Variants in CADPS observed in about 807,000 individuals in gnomAD.
CADPS encodes the protein calcium dependent secretion activator.
A neutral mutation model predicts 167.3 loss-of-function variants in CADPS; 57 were observed. The ratio of observed to expected loss-of-function variants is 0.34; its 90% CI spans 0.28 to 0.42. CADPS has a LOEUF of 0.42. Among genes scored for constraint, CADPS ranks in the 20% least tolerant of loss-of-function variants. The pLI is 1.00. For synonymous variants in CADPS, 676 were observed against 635.3 expected (o/e 1.06, Z -0.96); for missense variants, 1,414 against 1,738.1 (o/e 0.81, Z 3.32).
intron 4 of CADPS, among the ~76,000 whole-genome samples, chr3:62,652,557 G>C (rs115631909): frequency 0.016 from 2,375 of 152,166 alleles, 29 homozygotes; most frequent in Middle Eastern, 0.054. Flanking sequence ...TTGGCTGGTA[G>C]AACTGAAACA....
intron 1 of CADPS, among the ~76,000 whole-genome samples, chr3:62,803,393 T>G (rs923285260): frequency 1.3e-5 from 2 of 150,982 alleles, no homozygotes; most frequent in East Asian, 3.9e-4. Context: ...TTTGCTCACC[T>G]CTTCCTCAGG....
At chr3:62,781,692 T>C (rs769950316) in intron 1 of CADPS, among the ~76,000 whole-genome samples, 47 of 152,072 alleles carry the variant, frequency 3.1e-4, no homozygotes, top group Non-Finnish European at 1.5e-4. Flanking sequence ...TGGGGGCACA[T>C]GGCAGCTGAG....
In CADPS at chr3:62,645,241, G is replaced by C. The variant is rs73842979; in HGVS notation, c.1325+481C>G. ...GTAACGGATAACAGACTACAAACTG[G>C]GTTCAGTATATATTGCTCGGGTGAT... On this transcript the variant is annotated intron_variant, in intron 6 of 29. Transcript: ENST00000383710. Among the ~76,000 whole-genome samples, 20 of 152,000 alleles carry C rather than the reference G, an allele frequency of 1.3e-4. 1 individual carries two copies. Among genetic ancestry groups the C allele is most frequent in the African/African-American group, 4.6e-4 (19 of 41,436 alleles).
chr3:62,431,916 T>C (rs916932238), intron 28 of CADPS, among the ~76,000 whole-genome samples: 1 of 151,808 alleles, frequency 6.6e-6, no homozygotes, highest in Non-Finnish European at 1.5e-5. Context: ...CTGATAATGA[T>C]ATGTGGGTGC....
chr3:62,748,022 T>G (rs1370204782), intron 3 of CADPS, among the ~76,000 whole-genome samples: 1 of 151,930 alleles, frequency 6.6e-6, no homozygotes, highest in African/African-American at 2.4e-5. Context: ...TATTTGCCTT[T>G]AAAAATACAT....
Position 62,465,066 on chromosome 3 carries a change from C to T in CADPS, c.3636+301G>A, listed in dbSNP as rs975902394. 6.6e-6 allele frequency among the ~76,000 whole-genome samples: 1 copy of T among 152,108 alleles called. No homozygotes were observed. The highest frequency in any genetic ancestry group is 1.5e-5 in the Non-Finnish European group (1 of 68,014). On this transcript the variant is annotated intron_variant, in intron 26 of 29. Transcript: ENST00000383710. The surrounding 1 kb of genome is among the most constrained non-coding windows in gnomAD (Gnocchi z 4.1). The stretch of plus-strand genomic sequence containing the variant: ...ATGGTGGCCCACATTAAGTCATTTG[C>T]CAGAGCTAGCTAAGGTGGGCTTAGG...
chr3:62,822,736 A>G (rs2073217908), intron 1 of CADPS, among the ~76,000 whole-genome samples: 1 of 152,070 alleles, frequency 6.6e-6, no homozygotes, highest in Non-Finnish European at 1.5e-5. Context: ...CTGCTACTGA[A>G]GAGGCTGAAG....
At chr3:62,765,786 C>T (rs943677164) in intron 2 of CADPS, 85 bp downstream of exon 2, 6 of 767,662 alleles carry the variant, frequency 7.8e-6, no homozygotes, top group Middle Eastern at 2.6e-4. Flanking sequence ...TAAACCAAAA[C>T]GACTGTCCCC....
At chr3:62,417,616 C>T (rs930559543) in intron 28 of CADPS, among the ~76,000 whole-genome samples, 1 of 152,004 alleles carries the variant, frequency 6.6e-6, no homozygotes, top group Non-Finnish European at 1.5e-5. Flanking sequence ...ATGAGCCACC[C>T]ATTAAATTCT....
chr3:62,564,064 T>C (rs953665420), intron 9 of CADPS, among the ~76,000 whole-genome samples: 1 of 152,076 alleles, frequency 6.6e-6, no homozygotes, highest in Non-Finnish European at 1.5e-5. Flanking sequence ...TGCAGTGGCA[T>C]GATCTCGGCT....
intron 6 of CADPS, among the ~76,000 whole-genome samples, chr3:62,605,491 A>C (rs2060575906): frequency 6.6e-6 from 1 of 152,164 alleles, no homozygotes; most frequent in Non-Finnish European, 1.5e-5. Flanking sequence ...TCTACCTTAT[A>C]GGGTTTCTAA....
At chr3:62,822,939 T>C (rs1162846152) in intron 1 of CADPS, among the ~76,000 whole-genome samples, 2 of 152,078 alleles carry the variant, frequency 1.3e-5, no homozygotes, top group African/African-American at 4.8e-5. Flanking sequence ...TGGAAAGAAA[T>C]TGAGTTTGCA....
chr3:62,873,635 A>C (rs1185403359), intron 1 of CADPS, among the ~76,000 whole-genome samples: 1 of 44,648 alleles, frequency 2.2e-5, no homozygotes. Flanking sequence ...TTTTTTTTTT[A>C]ACATCAAAGG....
At chr3:62,588,613 T>A (rs1312322539) in intron 7 of CADPS, among the ~76,000 whole-genome samples, 1 of 152,166 alleles carries the variant, frequency 6.6e-6, no homozygotes, top group Non-Finnish European at 1.5e-5. Flanking sequence ...TTTTTGAAAA[T>A]TTATTCTATA....
At chr3:62,481,270 G>T (rs1271364920) in intron 22 of CADPS, among the ~76,000 whole-genome samples, 1 of 152,112 alleles carries the variant, frequency 6.6e-6, no homozygotes, top group Non-Finnish European at 1.5e-5. Flanking sequence ...ATGCTTTATG[G>T]TTTAAACATT....
intron 28 of CADPS, among the ~76,000 whole-genome samples, chr3:62,407,783 G>A (rs2048195783): frequency 6.6e-6 from 1 of 152,078 alleles, no homozygotes; most frequent in South Asian, 2.1e-4. Context: ...GTTCAGGCTG[G>A]AGTGCAGTGG....
chr3:62,870,877 A>G (rs2082518800), intron 1 of CADPS, among the ~76,000 whole-genome samples: 2 of 152,194 alleles, frequency 1.3e-5, no homozygotes, highest in South Asian at 4.1e-4. Flanking sequence ...CATATGGTAT[A>G]GCTTTGCCAT....
chr3:62,417,802 C>T (rs1318154256), intron 28 of CADPS, among the ~76,000 whole-genome samples: 1 of 151,868 alleles, frequency 6.6e-6, no homozygotes, highest in Non-Finnish European at 1.5e-5. Context: ...CACTGCACTC[C>T]AGCCTGGGTG....
chr3:62,839,401 G>T (rs895639091), intron 1 of CADPS, among the ~76,000 whole-genome samples: 1 of 152,086 alleles, frequency 6.6e-6, no homozygotes, highest in Admixed American at 6.6e-5. Context: ...ATTTGGCCAG[G>T]CTGGTCTTGA....
Sources: allele counts gnomAD v4.1 joint callset (sites outside exome capture counted in the v4.1 genomes callset), GRCh38; gene constraint gnomAD v4.1.1; non-coding constraint Gnocchi (gnomAD v3.1); transcripts MANE v1.5; gene names NCBI Gene and HGNC (gene_info 2026-07-23, HGNC 2026-07-21).